Variants in SNAP23 observed in about 807,000 individuals in gnomAD.
The protein encoded by SNAP23 is synaptosome associated protein 23.
In SNAP23, 11 loss-of-function variants were observed where a neutral mutation model predicts 29.0. That is an observed-to-expected ratio of 0.38 (90% CI 0.24 to 0.63). The LOEUF is 0.63. SNAP23 is among the 20% of genes least tolerant of loss of function. SNAP23 has a pLI of 0.58. For missense variants in SNAP23, 220 were observed against 253.9 expected, an observed-to-expected ratio of 0.87 and a Z score of 0.91; for synonymous variants, 60 against 82.9, an observed-to-expected ratio of 0.72 and a Z score of 1.50.
intron 5 of SNAP23, chr15:42,521,604 A>G: frequency 6.5e-7 from 1 of 1,531,450 alleles, no homozygotes; most frequent in Non-Finnish European, 8.7e-7. Context: ...TCTGCTTACT[A>G]AAAATGAAGA....
At position 42,496,461 on chromosome 15, in the gene SNAP23, A is replaced by T. The variant is rs2057220509; in HGVS notation, c.-15+748A>T. On this transcript the variant is annotated intron_variant, in intron 1 of 7. Coordinates refer to ENST00000249647, the MANE Select transcript of SNAP23 (RefSeq NM_003825.4). Reference sequence around the variant, plus strand: ...GCCGGGCTTGGTGGCTAACGCCTGTAATCCCAGCACTTTGGGAGGTCGAGG... The same window carrying T: ...GCCGGGCTTGGTGGCTAACGCCTGTTATCCCAGCACTTTGGGAGGTCGAGG... Among the ~76,000 whole-genome samples, 2 of 152,208 alleles carry T rather than the reference A, an allele frequency of 1.3e-5. 1 individual carries two copies. The highest frequency in any genetic ancestry group is 4.1e-4 in the South Asian group (2 of 4,838).
At chr15:42,506,155 A>G (rs1039789848) in intron 1 of SNAP23, among the ~76,000 whole-genome samples, 1 of 148,956 alleles carries the variant, frequency 6.7e-6, no homozygotes, top group Non-Finnish European at 1.5e-5. Context: ...CATTTTGGCA[A>G]TGGCTGGTCT....
intron 1 of SNAP23, among the ~76,000 whole-genome samples, chr15:42,499,222 C>A (rs1266657002): frequency 3.3e-5 from 5 of 152,230 alleles, no homozygotes; most frequent in Admixed American, 2.0e-4. Context: ...GCAGGCGCCA[C>A]CATACCTGGC....
At chr15:42,500,555 A>G (rs948849369) in intron 1 of SNAP23, among the ~76,000 whole-genome samples, 2 of 151,774 alleles carry the variant, frequency 1.3e-5, no homozygotes, top group African/African-American at 4.8e-5. Flanking sequence ...CGCCTGGCTA[A>G]TTTTTTGTGT....
chr15:42,497,608 G>T (rs2057232918), intron 1 of SNAP23, among the ~76,000 whole-genome samples: 1 of 152,188 alleles, frequency 6.6e-6, no homozygotes, highest in Non-Finnish European at 1.5e-5. Context: ...TTCCCAAGGT[G>T]CTGGGATTAC....
intron 2 of SNAP23, 60 bp from the exon 3 acceptor site, chr15:42,512,895 T>G: frequency 3.8e-6 from 5 of 1,314,812 alleles, no homozygotes; most frequent in Non-Finnish European, 5.5e-6. Flanking sequence ...GAATTTGGCC[T>G]GTGATCAGAT....
At chr15:42,524,629 C>T (rs1047522120) in intron 5 of SNAP23, among the ~76,000 whole-genome samples, 4 of 152,116 alleles carry the variant, frequency 2.6e-5, no homozygotes, top group Admixed American at 6.5e-5. Flanking sequence ...GGTCCCCATT[C>T]GTGGAAAAAT....
At chr15:42,515,415 C>G (rs2057390294) in intron 5 of SNAP23, 61 bp downstream of exon 5, 2 of 976,226 alleles carry the variant, frequency 2.0e-6, no homozygotes, top group Admixed American at 4.0e-5. Flanking sequence ...CCTTCTCCCA[C>G]CAGCTAAGGT....
intron 5 of SNAP23, among the ~76,000 whole-genome samples, chr15:42,524,196 T>G (rs535341354): frequency 6.6e-6 from 1 of 152,306 alleles, no homozygotes; most frequent in Admixed American, 6.5e-5. Context: ...TATAGACTAC[T>G]AGAGTCTATA....
chr15:42,525,664 A>G (rs1344641082), intron 5 of SNAP23, among the ~76,000 whole-genome samples: 1 of 151,314 alleles, frequency 6.6e-6, no homozygotes, highest in Admixed American at 6.6e-5. Context: ...GGGTTTCACC[A>G]TGTTGGCCAG....
Position 42,511,827 on chromosome 15 carries a change from TA to T in SNAP23, c.-14-4del. On this transcript the variant is annotated splice_region_variant and splice_polypyrimidine_tract_variant and intron_variant, in intron 1 of 7. Coordinates refer to ENST00000249647, the MANE Select transcript of SNAP23 (RefSeq NM_003825.4). ...ATATCCACATTTCCATTTCTGTGCC[TA>T]ATAGAGTTTTGATTCATCATGGATA... 6.4e-7 allele frequency: 1 copy of T among 1,553,772 alleles called. No individual in the cohort carries two copies. Among genetic ancestry groups the T allele is most frequent in the Non-Finnish European group, 8.8e-7 (1 of 1,139,490 alleles).
chr15:42,528,511 C>T, intron 6 of SNAP23, 91 bp downstream of exon 6: 1 of 1,207,972 alleles, frequency 8.3e-7, no homozygotes. Context: ...CCTAATAAAA[C>T]AAATAAAAAT....
chr15:42,523,824 T>C (rs1246040756), intron 5 of SNAP23, among the ~76,000 whole-genome samples: 1 of 151,884 alleles, frequency 6.6e-6, no homozygotes, highest in Non-Finnish European at 1.5e-5. Context: ...GTTTGTTTGT[T>C]TGTTTATTTT....
upstream of SNAP23, among the ~76,000 whole-genome samples, chr15:42,491,927 T>C (rs1306677513): frequency 6.6e-6 from 1 of 150,756 alleles, no homozygotes; most frequent in Non-Finnish European, 1.5e-5. Context: ...GTTAGTTATT[T>C]TGAGATGGAG....
chr15:42,509,674 G>A (rs1474807754), intron 1 of SNAP23, among the ~76,000 whole-genome samples: 6 of 151,186 alleles, frequency 4.0e-5, no homozygotes, highest in South Asian at 2.2e-4. Flanking sequence ...TCCTAACCCC[G>A]TGATCCATCC....
intron 5 of SNAP23, 145 bp from the exon 6 acceptor site, chr15:42,528,102 CCATATTGCCATGGAG>C (rs2057520701): frequency 1.8e-6 from 1 of 571,222 alleles, no homozygotes; most frequent in African/African-American, 1.9e-5. Flanking sequence ...ATTTCCTATT[CCATATTGCCATGGAG>C]CATAGTGTAG....
At position 42,521,533 on chromosome 15, in the gene SNAP23, G is replaced by T. The variant is rs1325734007; in HGVS notation, c.266+6179G>T. 8.7e-6 allele frequency: 13 copies of T among 1,498,870 alleles called. No homozygotes were observed. In the African/African-American group the frequency reaches 1.7e-4, roughly 19 times the overall value. The allele number at this position is 1,498,870 out of a possible 1,614,324, so 92.8% of individuals were successfully genotyped here. A position where few individuals can be genotyped will look rare whatever the true frequency, so the allele number is the denominator to read the frequency against. ...AAAACTTTAAACCTGCTTCTGTTCT[G>T]TTTGACTGGCATTTACTATTTTCTG... On this transcript the variant is annotated intron_variant, in intron 5 of 7. Transcript: ENST00000249647.
At chr15:42,521,965 A>G (rs933085826) in intron 5 of SNAP23, 9 of 261,674 alleles carry the variant, frequency 3.4e-5, no homozygotes, top group Admixed American at 5.2e-5. Context: ...TAAGAAATTT[A>G]AAATAGGTTG....
In SNAP23 at chr15:42,529,763, A is replaced by G; in HGVS notation, c.514A>G (p.Asn172Asp). 1.2e-6 allele frequency: 2 copies of G among 1,614,100 alleles called. No individual in the cohort carries two copies. The highest frequency in any genetic ancestry group is 1.7e-6 in the Non-Finnish European group (2 of 1,180,006). The change falls in exon 7 of 8, where the codon AAC becomes GAC. Residue 172 changes from asparagine (N) to aspartate (D), a missense_variant. Physicochemically the swap from Asn to Asp is conservative, Grantham distance 23. Coordinates refer to ENST00000249647, the MANE Select transcript of SNAP23 (RefSeq NM_003825.4). ...ILGNLKDMAL[N>D]IGNEIDAQNP... ...GGGAAATCTAAAAGACATGGCCCTG[A>G]ACATAGGCAATGAGATTGATGCTCA...
Sources: allele counts gnomAD v4.1 joint callset (sites outside exome capture counted in the v4.1 genomes callset), GRCh38; gene constraint gnomAD v4.1.1; transcripts MANE v1.5; gene names NCBI Gene and HGNC (gene_info 2026-07-23, HGNC 2026-07-21).